Variants in PRKN observed in about 807,000 individuals in gnomAD.
The protein encoded by PRKN is parkin RBR E3 ubiquitin protein ligase, also known as E3 ubiquitin-protein ligase parkin.
Under a neutral mutation model 59.5 loss-of-function variants are expected in PRKN, and 56 were observed. The ratio of observed to expected loss-of-function variants is 0.94; its 90% confidence interval spans 0.76 to 1.18. PRKN has a LOEUF of 1.18. Among genes scored for constraint, PRKN ranks in the 50% most tolerant of loss-of-function variants. The pLI, the probability that PRKN is intolerant of heterozygous loss-of-function variation, is 0.00. For synonymous variants in PRKN, 250 were observed against 222.1 expected (o/e 1.13, Z -1.12); for missense variants, 657 against 596.4 (o/e 1.10, Z -1.06).
rs112160538 is a variant in PRKN, at chr6:162,478,706, G to T, written c.8-35233C>A. 5.7e-3 allele frequency among the ~76,000 whole-genome samples: 871 copies of T among 152,272 alleles called. 9 individuals are homozygous for T. Among genetic ancestry groups the T allele is most frequent in the African/African-American group, 0.02 (826 of 41,552 alleles). ...ACTTACATAAACCCAGATGGTACAG[G>T]CGACTCCACACCTAGGCTCTATGGG... On this transcript the variant is annotated intron_variant, in intron 1 of 11. Transcript: ENST00000366898.
intron 6 of PRKN, among the ~76,000 whole-genome samples, chr6:161,835,425 A>G (rs1344436756): frequency 2.0e-5 from 3 of 152,142 alleles, no homozygotes; most frequent in Non-Finnish European, 4.4e-5. Flanking sequence ...AATCTGTGAC[A>G]TTGTGATTGA....
intron 6 of PRKN, among the ~76,000 whole-genome samples, chr6:161,825,607 C>T (rs540387030): frequency 6.6e-6 from 1 of 152,304 alleles, no homozygotes; most frequent in East Asian, 1.9e-4. Context: ...CATGGAGCTT[C>T]CGCTCTACTC....
intron 1 of PRKN, among the ~76,000 whole-genome samples, chr6:162,514,759 T>C (rs1485935329): frequency 6.6e-6 from 1 of 152,062 alleles, no homozygotes; most frequent in Non-Finnish European, 1.5e-5. Context: ...GTGAGACCCA[T>C]CTCTATAAAA....
At chr6:161,618,406 C>T (rs1782771473) in intron 7 of PRKN, among the ~76,000 whole-genome samples, 1 of 152,196 alleles carries the variant, frequency 6.6e-6, no homozygotes, top group African/African-American at 2.4e-5. Flanking sequence ...AACAGACACT[C>T]TCTCAAGGTA....
chr6:162,560,781 A>G (rs1403723559), intron 1 of PRKN, among the ~76,000 whole-genome samples: 2 of 137,884 alleles, frequency 1.5e-5, no homozygotes, highest in Non-Finnish European at 3.0e-5. Context: ...ATACTTAATG[A>G]GTGTCTTCTT....
At chr6:162,216,504 T>C (rs1245061672) in intron 3 of PRKN, among the ~76,000 whole-genome samples, 1 of 119,424 alleles carries the variant, frequency 8.4e-6, no homozygotes, top group Non-Finnish European at 1.6e-5. Context: ...CAGTCCGCAG[T>C]CCGGCCTGGG....
chr6:161,406,155 CATATAT>C (rs968126311), intron 9 of PRKN, among the ~76,000 whole-genome samples: 1 of 151,318 alleles, frequency 6.6e-6, no homozygotes, highest in Non-Finnish European at 1.5e-5. Flanking sequence ...TATATACACA[CATATAT>C]ATACACATAT....
At chr6:161,842,909 A>C (rs1793048778) in intron 6 of PRKN, among the ~76,000 whole-genome samples, 1 of 152,134 alleles carries the variant, frequency 6.6e-6, no homozygotes, top group South Asian at 2.1e-4. Flanking sequence ...CAGCGGATTG[A>C]GGCTGAATGT....
At chr6:161,887,379 A>G (rs930910188) in intron 6 of PRKN, among the ~76,000 whole-genome samples, 1 of 152,212 alleles carries the variant, frequency 6.6e-6, no homozygotes, top group Non-Finnish European at 1.5e-5. Flanking sequence ...TTTGATAAAA[A>G]CAAACCTTCA....
intron 1 of PRKN, among the ~76,000 whole-genome samples, chr6:162,590,591 C>T (rs77558052): frequency 0.01 from 1,524 of 152,150 alleles, 25 homozygotes; most frequent in African/African-American, 0.035. Context: ...GGGATTGCAA[C>T]CTAAATCAGT....
chr6:162,278,863 G>A (rs537431033), intron 2 of PRKN, among the ~76,000 whole-genome samples: 12 of 151,854 alleles, frequency 7.9e-5, no homozygotes, highest in Non-Finnish European at 1.3e-4. Flanking sequence ...AGGTGTGAGT[G>A]AGGGAGACAA....
At chr6:162,638,519 T>C (rs537835309) in intron 1 of PRKN, among the ~76,000 whole-genome samples, 1 of 152,310 alleles carries the variant, frequency 6.6e-6, no homozygotes, top group East Asian at 1.9e-4. Flanking sequence ...ATGCATCTAT[T>C]GTTTTTCCCA....
Position 161,530,557 on chromosome 6 carries a change from C to T in PRKN, c.1083+18297G>A, listed in dbSNP as rs1443744792. Among the ~76,000 whole-genome samples the T allele has an allele frequency of 6.6e-6, 1 of 150,410 alleles. No homozygotes were observed. The highest frequency in any genetic ancestry group is 2.0e-4 in the East Asian group (1 of 5,112). On this transcript the variant is annotated intron_variant, in intron 9 of 11. Transcript: ENST00000366898. This position sits in a 1 kb window ranked among gnomAD's most constrained non-coding sequence, Gnocchi z 5.0. ...TTGAGATGGAGTTTCACTCTTGTTG[C>T]CCAGGCTGGAGTGCAATGGCATGAT...
At chr6:162,154,880 C>T (rs1782436685) in intron 4 of PRKN, among the ~76,000 whole-genome samples, 1 of 151,280 alleles carries the variant, frequency 6.6e-6, no homozygotes, top group Non-Finnish European at 1.5e-5. Flanking sequence ...TAGATATTCT[C>T]TCTCACCAGT....
At chr6:162,242,366 A>G (rs1779019945) in intron 3 of PRKN, among the ~76,000 whole-genome samples, 1 of 152,148 alleles carries the variant, frequency 6.6e-6, no homozygotes, top group African/African-American at 2.4e-5. Context: ...CCAGAAACTG[A>G]GAAAGTTGCT....
intron 3 of PRKN, among the ~76,000 whole-genome samples, chr6:162,260,510 T>A (rs1166311412): frequency 6.6e-6 from 1 of 152,168 alleles, no homozygotes; most frequent in African/African-American, 2.4e-5. Flanking sequence ...AATACTATAT[T>A]TTCTTAAAAT....
Position 161,457,759 on chromosome 6 carries a change from A to G in PRKN, c.1084-70882T>C, listed in dbSNP as rs1266349220. Among the ~76,000 whole-genome samples, 3 of 152,240 alleles carry G rather than the reference A, an allele frequency of 2.0e-5. No individual in the cohort carries two copies. Among genetic ancestry groups the G allele is most frequent in the Non-Finnish European group, 4.4e-5 (3 of 68,048 alleles). ...AAAATAGGGAGAATGGGAACCACCAACTTCCTGTGTGTGTGTTACCACACT... is the reference window on the plus strand; with the variant it reads ...AAAATAGGGAGAATGGGAACCACCAGCTTCCTGTGTGTGTGTTACCACACT... On this transcript the variant is annotated intron_variant, in intron 9 of 11. Coordinates refer to ENST00000366898, the MANE Select transcript of PRKN (RefSeq NM_004562.3). This position sits in a 1 kb window ranked among gnomAD's most constrained non-coding sequence, Gnocchi z 5.0.
chr6:162,572,326 A>G (rs188684653), intron 1 of PRKN, among the ~76,000 whole-genome samples: 200 of 152,290 alleles, frequency 1.3e-3, no homozygotes, highest in South Asian at 0.011. Flanking sequence ...ATAAACACTC[A>G]GCACTCGTGA....
At chr6:162,135,383 C>A (rs985232420) in intron 4 of PRKN, among the ~76,000 whole-genome samples, 2 of 152,122 alleles carry the variant, frequency 1.3e-5, no homozygotes, top group African/African-American at 4.8e-5. Context: ...TAAAAGAAGT[C>A]ATTGAATATG....
Sources: gnomAD v4.1 joint callset for allele counts (sites outside exome capture counted in the v4.1 genomes callset) on GRCh38, gnomAD v4.1.1 for gene constraint, Gnocchi (gnomAD v3.1) non-coding constraint, MANE v1.5 for transcripts, NCBI Gene and HGNC (gene_info 2026-07-23, HGNC 2026-07-21) for gene names.